IQCM: variants seen among roughly 807,000 people sequenced by gnomAD.
IQCM encodes the protein IQ domain-containing protein M.
IQCM carries 45 observed loss-of-function variants against 57.6 expected under a neutral mutation model. That is an observed-to-expected ratio of 0.78 (90% CI 0.62 to 1.00). The LOEUF is 1.00. IQCM is among the 50% of genes least tolerant of loss of function. The pLI, the probability that IQCM is intolerant of heterozygous loss-of-function variation, is 0.00. For synonymous variants in IQCM, 148 were observed against 158.9 expected, an observed-to-expected ratio of 0.93 and a Z score of 0.51; for missense variants, 468 against 511.6, an observed-to-expected ratio of 0.91 and a Z score of 0.82.
chr4:149,427,964 C>T (rs1734573745), intron 13 of IQCM, among the ~76,000 whole-genome samples: 1 of 151,824 alleles, frequency 6.6e-6, no homozygotes, highest in Admixed American at 6.6e-5. Flanking sequence ...AGCAGATACT[C>T]TATAGGCAAA....
intron 13 of IQCM, among the ~76,000 whole-genome samples, chr4:149,379,040 G>A (rs1730891056): frequency 6.6e-6 from 1 of 152,196 alleles, no homozygotes. Flanking sequence ...CAAGTCCCAA[G>A]GCTTGGCAGC....
At chr4:149,614,951 T>C (rs1503747) in intron 8 of IQCM, among the ~76,000 whole-genome samples, 66,159 of 152,004 alleles carry the variant, frequency 0.44, 14,788 homozygotes, top group South Asian at 0.58. Context: ...GAGAGTCCTG[T>C]CATACTGACA....
At chr4:149,524,742 G>T (rs1457447255) in intron 12 of IQCM, among the ~76,000 whole-genome samples, 1 of 151,744 alleles carries the variant, frequency 6.6e-6, no homozygotes, top group Non-Finnish European at 1.5e-5. Context: ...TAATCCCATA[G>T]AAAATCTTTG....
chr4:149,505,594 A>G (rs1266510261), intron 12 of IQCM, among the ~76,000 whole-genome samples: 1 of 152,224 alleles, frequency 6.6e-6, no homozygotes. Context: ...AAATCCTGCC[A>G]TCCTGAGATA....
At chr4:149,620,567 G>A (rs1756242056) in intron 8 of IQCM, among the ~76,000 whole-genome samples, 1 of 152,184 alleles carries the variant, frequency 6.6e-6, no homozygotes, top group South Asian at 2.1e-4. Context: ...AAAGATGTCT[G>A]AATAACATGA....
At chr4:149,691,898 T>G (rs975545412) in intron 5 of IQCM, 5 of 152,206 alleles carry the variant, frequency 3.3e-5, no homozygotes, top group Admixed American at 2.0e-4. Context: ...GAATTCACGT[T>G]TGTAAAAATA....
intron 7 of IQCM, among the ~76,000 whole-genome samples, chr4:149,671,456 T>C (rs1257071842): frequency 6.6e-6 from 1 of 152,006 alleles, no homozygotes; most frequent in African/African-American, 2.4e-5. Flanking sequence ...TTTTGAAGGG[T>C]TTTTTTGTGT....
At chr4:149,667,195 G>C (rs933600241) in intron 7 of IQCM, among the ~76,000 whole-genome samples, 1 of 152,176 alleles carries the variant, frequency 6.6e-6, no homozygotes, top group Admixed American at 6.5e-5. Flanking sequence ...CTGGCATCTG[G>C]CATGTGCCCC....
chr4:149,572,972 T>C (rs1318977526), intron 9 of IQCM, among the ~76,000 whole-genome samples: 1 of 151,878 alleles, frequency 6.6e-6, no homozygotes, highest in Admixed American at 6.6e-5. Context: ...AATTTCCTTT[T>C]TGGAAATTTC....
intron 12 of IQCM, among the ~76,000 whole-genome samples, chr4:149,491,223 T>C (rs988857374): frequency 6.6e-6 from 1 of 152,114 alleles, no homozygotes; most frequent in African/African-American, 2.4e-5. Context: ...GAAATACGTA[T>C]ACTTTATGGA....
At chr4:149,359,905 T>C (rs1729351885) in intron 13 of IQCM, among the ~76,000 whole-genome samples, 1 of 152,216 alleles carries the variant, frequency 6.6e-6, no homozygotes, top group Admixed American at 6.5e-5. Flanking sequence ...GAGTATCTAC[T>C]GAGTCCTGTT....
chr4:149,582,987 A>G (rs1752348125), intron 9 of IQCM, among the ~76,000 whole-genome samples: 1 of 151,694 alleles, frequency 6.6e-6, no homozygotes, highest in South Asian at 2.1e-4. Context: ...TCAAGAACCT[A>G]CATAAATATC....
Position 149,774,540 on chromosome 4 carries a change from TTCCGCAGGCCACGTGAA to T in IQCM, c.-48-31818_-48-31802del, listed in dbSNP as rs1182073158. On this transcript the variant is annotated intron_variant, in intron 2 of 13. Transcript: ENST00000636793. ...AGGCTAGGGTGGGAAGGCCAGCTTT[TTCCGCAGGCCACGTGAA>T]TGACATGCCTGGTCAAACCAATCCC... 2.0e-5 allele frequency among the ~76,000 whole-genome samples: 3 copies of T among 152,178 alleles called. No homozygotes were observed. In the East Asian group the frequency reaches 5.8e-4, roughly 29 times the overall value.
intron 7 of IQCM, among the ~76,000 whole-genome samples, chr4:149,644,354 G>C (rs1220751696): frequency 2.6e-5 from 4 of 151,882 alleles, no homozygotes; most frequent in Non-Finnish European, 4.4e-5. Context: ...GTAAATATTT[G>C]CCTTCTTAAA....
chr4:149,783,088 T>A (rs1241889795), intron 2 of IQCM, among the ~76,000 whole-genome samples: 1 of 152,210 alleles, frequency 6.6e-6, no homozygotes, highest in Non-Finnish European at 1.5e-5. Context: ...AGTACAGAAC[T>A]CTCCCCTGTA....
chr4:149,372,894 C>G (rs572915066), intron 13 of IQCM, among the ~76,000 whole-genome samples: 29 of 152,084 alleles, frequency 1.9e-4, no homozygotes, highest in Admixed American at 3.9e-4. Flanking sequence ...ATAATATCCA[C>G]TATACCATAT....
At chr4:149,614,490 C>G (rs957866971) in intron 8 of IQCM, among the ~76,000 whole-genome samples, 2 of 152,098 alleles carry the variant, frequency 1.3e-5, no homozygotes, top group African/African-American at 4.8e-5. Context: ...GTCTTTCCAC[C>G]TTGGACAACC....
intron 2 of IQCM, among the ~76,000 whole-genome samples, chr4:149,772,860 C>T (rs2149991448): frequency 1.3e-5 from 2 of 152,216 alleles, no homozygotes; most frequent in Middle Eastern, 6.8e-3. Context: ...GTTTATTAAA[C>T]ACTTTGTGTA....
At chr4:149,494,686 T>C (rs1458228527) in intron 12 of IQCM, among the ~76,000 whole-genome samples, 1 of 151,948 alleles carries the variant, frequency 6.6e-6, no homozygotes, top group Non-Finnish European at 1.5e-5. Flanking sequence ...GCATAAAGAA[T>C]AGAACAAATG....
Sources: gnomAD v4.1 joint callset for allele counts (sites outside exome capture counted in the v4.1 genomes callset) on GRCh38, gnomAD v4.1.1 for gene constraint, MANE v1.5 for transcripts, NCBI Gene and HGNC (gene_info 2026-07-23, HGNC 2026-07-21) for gene names.